Variants in CAPN12 observed in about 807,000 individuals in gnomAD.
CAPN12 encodes calpain-12.
Under a neutral mutation model 95.0 loss-of-function variants are expected in CAPN12, and 107 were observed. That is an observed-to-expected ratio of 1.13 (90% CI 0.96 to 1.32). CAPN12 has a LOEUF of 1.32. CAPN12 is among the 40% of genes most tolerant of loss of function. The pLI is 0.00. For synonymous variants in CAPN12, 505 were observed against 415.5 expected, an observed-to-expected ratio of 1.22 and a Z score of -2.62; for missense variants, 1,136 against 997.8, an observed-to-expected ratio of 1.14 and a Z score of -1.87.
chr19:38,735,651 G>T, intron 12 of CAPN12, 107 bp from the exon 13 acceptor site: 1 of 854,232 alleles, frequency 1.2e-6, no homozygotes, highest in Non-Finnish European at 1.7e-6. Flanking sequence ...TAGGGACCGT[G>T]GAGCCCTGGG....
At position 38,740,233 on chromosome 19, in the gene CAPN12, T is replaced by C. The variant is rs1970472613; in HGVS notation, c.561-14A>G. 1.3e-6 allele frequency: 2 copies of C among 1,588,786 alleles called. No individual in the cohort carries two copies. The highest frequency in any genetic ancestry group is 2.3e-5 in the East Asian group (1 of 43,622). On this transcript the variant is annotated splice_polypyrimidine_tract_variant and intron_variant, in intron 4 of 20. Transcript: ENST00000328867. ...GAGCCGTGGAGCCTGTGGGGGCAGA[T>C]CTGGGGTGAGGGTTGAGGCAAGTAC...
chr19:38,740,863 G>A (rs530041695), intron 4 of CAPN12, among the ~76,000 whole-genome samples: 1 of 152,152 alleles, frequency 6.6e-6, no homozygotes, highest in South Asian at 2.1e-4. Flanking sequence ...GAAGCCCTTG[G>A]AGATTGGGCC....
At chr19:38,735,569 G>A (rs764689671) in intron 12 of CAPN12, 25 bp from the exon 13 acceptor site, 10 of 1,606,600 alleles carry the variant, frequency 6.2e-6, no homozygotes, top group South Asian at 3.3e-5. Context: ...TGGGAAGTGG[G>A]GAGGGGGCTG....
At chr19:38,734,680 C>T (rs1969887678) in intron 15 of CAPN12, 133 bp downstream of exon 15, 1 of 797,388 alleles carries the variant, frequency 1.3e-6, no homozygotes, top group Non-Finnish European at 2.0e-6. Flanking sequence ...GGAGATGCTG[C>T]CAGGCTGAGC....
In CAPN12 at chr19:38,735,542, T is replaced by C. The variant is rs748041965; in HGVS notation, c.1586A>G (p.Glu529Gly). ...GTCTGCGCTGATCACGTCGTCGATCTCCCTGCAAATTACAGATGGGAAGTG... is the reference window on the plus strand; with the variant it reads ...GTCTGCGCTGATCACGTCGTCGATCCCCCTGCAAATTACAGATGGGAAGTG... ...VFSERRHTAV[E>G]IDDVISADLQ... is the part of the protein sequence containing the mutation. The change falls in exon 13 of 21, where the codon GAG becomes GGG. Residue 529 changes from glutamate to glycine, a missense_variant and splice_region_variant. Physicochemically the swap from Glu to Gly is moderately conservative, Grantham distance 98. Coordinates refer to ENST00000328867, the MANE Select transcript of CAPN12 (RefSeq NM_144691.4). The C allele has an allele frequency of 1.2e-6, 2 of 1,609,314 alleles. No homozygotes were observed. The highest frequency in any genetic ancestry group is 1.7e-6 in the Non-Finnish European group (2 of 1,179,028).
chr19:38,731,207 G>A lies in CAPN12; in HGVS notation c.1974C>T (p.Asn658=). Residue 658 remains asparagine (N), a synonymous_variant, in exon 19 of 21, where the codon AAC becomes AAT. Coordinates refer to ENST00000328867, the MANE Select transcript of CAPN12 (RefSeq NM_144691.4). The part of the protein sequence containing the change: ...ALNAAGFHLN[N]QLTQTLTSRY... ...GGCTGGTGAGGGTCTGGGTCAGCTG[G>A]TTGTTCAGGTGGAAGCCTAGGGGGA... The A allele has an allele frequency of 1.2e-6, 2 of 1,612,700 alleles. No individual in the cohort carries two copies. Among genetic ancestry groups the A allele is most frequent in the African/African-American group, 1.3e-5 (1 of 75,028 alleles).
In CAPN12 at chr19:38,738,493, C is replaced by G; in HGVS notation, c.815G>C (p.Gly272Ala). ...SITGTHKVFL[G>A]FTKVRLLRLR... is the part of the protein sequence containing the mutation. ...CCGCAGCAGCCGCACCTTGGTGAAG[C>G]CCAGGAACACCTGGGGCAGCATCGT... Residue 272 changes from glycine to alanine, a missense_variant, in exon 7 of 21, where the codon GGC (glycine) becomes GCC (alanine). By Grantham distance (60) the Gly-to-Ala change is moderately conservative (BLOSUM62 0). Transcript: ENST00000328867. 1 of 1,612,176 alleles carries G rather than the reference C, an allele frequency of 6.2e-7. No homozygotes were observed. Among genetic ancestry groups the G allele is most frequent in the Non-Finnish European group, 8.5e-7 (1 of 1,179,088 alleles).
chr19:38,742,677 A>C, intron 2 of CAPN12, 149 bp from the exon 3 acceptor site: 1 of 626,896 alleles, frequency 1.6e-6, no homozygotes. Flanking sequence ...ACATGGCAAG[A>C]CTCCACTACA....
rs375825467 is a variant in CAPN12 at position 38,734,171 on chromosome 19, G to T, written c.1849C>A (p.Gln617Lys). The T allele has an allele frequency of 6.2e-7, 1 of 1,612,930 alleles. No homozygotes were observed. The change falls in exon 17 of 21, where the codon CAG (glutamine) becomes AAG (lysine). Residue 617 changes from glutamine to lysine, a missense_variant. By Grantham distance (53) the Gln-to-Lys change is moderately conservative. Transcript: ENST00000328867. ...CACTCCAGGAGGTAGCCCCAGAGCT[G>T]CTGGAAGTGGTGTAAGGCCAGGCTT... ...GQSLALHHFQ[Q>K]LWGYLLEWQA...
In CAPN12 at chr19:38,736,198, G is replaced by T; in HGVS notation, c.1495C>A (p.His499Asn). 2.0e-6 allele frequency: 3 copies of T among 1,510,556 alleles called. No individual in the cohort carries two copies. The highest frequency in any genetic ancestry group is 2.6e-6 in the Non-Finnish European group (3 of 1,133,804). The allele number at this position is 1,510,556 out of a possible 1,614,324, so 93.6% of individuals were successfully genotyped here. The change falls in exon 12 of 21, where the codon CAC (histidine) becomes AAC (asparagine). Residue 499 changes from histidine (H) to asparagine (N), a missense_variant. His to Asn is a moderately conservative substitution (Grantham distance 68, BLOSUM62 1). Coordinates refer to ENST00000328867, the MANE Select transcript of CAPN12 (RefSeq NM_144691.4). ...GCGGTGCTCGGCACCACCAGGTAGT[G>T]GCCTGGACGCAGGCAGCAGCGGCGG... ...VTRRCCLRPG[H>N]YLVVPSTAHA...
Position 38,740,286 on chromosome 19 carries a change from A to C in CAPN12, c.561-67T>G, listed in dbSNP as rs151277593. 9.1e-6 allele frequency: 13 copies of C among 1,426,988 alleles called. No individual in the cohort carries two copies. In the East Asian group the frequency reaches 3.2e-4, roughly 36 times the overall value. 88.4% of individuals were successfully genotyped at this position (1,426,988 alleles called of 1,614,324 possible). A position where few individuals can be genotyped will look rare whatever the true frequency, so the allele number is the denominator to read the frequency against. Reference sequence around the variant, plus strand: ...GCGTCTCAGGCACCCCTGCCCTGGGATCTGCAGGGGCCTGTGTCTCAGGGT... The same window carrying C: ...GCGTCTCAGGCACCCCTGCCCTGGGCTCTGCAGGGGCCTGTGTCTCAGGGT... On this transcript the variant is annotated intron_variant, in intron 4 of 20. Coordinates refer to ENST00000328867, the MANE Select transcript of CAPN12 (RefSeq NM_144691.4).
chr19:38,736,058 TCGGGGCC>T, intron 12 of CAPN12, 45 bp downstream of exon 12: 4 of 844,490 alleles, frequency 4.7e-6, no homozygotes, highest in Non-Finnish European at 6.3e-6. Context: ...CTCGGGGGTC[TCGGGGCC>T]TGTCTAGGCA....
Position 38,731,024 on chromosome 19 carries a change from C to T in CAPN12, c.2075-1G>A, listed in dbSNP as rs1358560846. The stretch of plus-strand genomic sequence containing the variant: ...CCATCCAGGTGCTGGCTGCAGTGGC[C>T]TGTGCAGAGAGGGGCAGGGTGAGTG... On this transcript the variant is annotated splice_acceptor_variant, in intron 19 of 20. Coordinates refer to ENST00000328867, the MANE Select transcript of CAPN12 (RefSeq NM_144691.4). LOFTEE classifies it high-confidence loss of function. 6.4e-7 allele frequency: 1 copy of T among 1,554,814 alleles called. No individual in the cohort carries two copies.
rs1969465377 is a variant in CAPN12, at chr19:38,730,194, G to GTTTTT, written c.*657_*658insAAAAA. ...AAAGAAAGAATTAAAAACTTTCAGA[G>GTTTTT]AATTACTATTTACTTTATTAACTTA... On this transcript the variant is annotated 3_prime_UTR_variant, in exon 21 of 21. Coordinates refer to ENST00000328867, the MANE Select transcript of CAPN12 (RefSeq NM_144691.4). 2 of 153,904 alleles carry GTTTTT rather than the reference G, an allele frequency of 1.3e-5. No individual in the cohort carries two copies. Among genetic ancestry groups the GTTTTT allele is most frequent in the Non-Finnish European group, 2.8e-5 (2 of 70,340 alleles). 9.5% of individuals were successfully genotyped at this position (153,904 alleles called of 1,614,324 possible). A position where few individuals can be genotyped will look rare whatever the true frequency, so the allele number is the denominator to read the frequency against.
At chr19:38,743,773 C>A (rs1487286613) in intron 1 of CAPN12, among the ~76,000 whole-genome samples, 156 bp downstream of exon 1, 1 of 148,960 alleles carries the variant, frequency 6.7e-6, no homozygotes, top group African/African-American at 2.5e-5. Flanking sequence ...CAGGCCCAGC[C>A]CCTCCTCCCT....
rs772410391 is a variant in CAPN12, at chr19:38,735,381, G to A, written c.1675C>T (p.Leu559=). Residue 559 remains leucine (L), a synonymous_variant, in exon 14 of 21, where the codon CTG becomes TTG. Transcript: ENST00000328867. ...ELGLEQLFQE[L]AGEEEELNAS... ...ATCCCCCTCCTCACCTCTCCAGCCA[G>A]CTCCTGAAACAGCTGCTCCAACCCC... is the stretch of plus-strand genomic sequence containing the variant. 9 of 1,602,022 alleles carry A rather than the reference G, an allele frequency of 5.6e-6. No individual in the cohort carries two copies. Among genetic ancestry groups the A allele is most frequent in the Admixed American group, 3.4e-5 (2 of 59,090 alleles).
In CAPN12 at chr19:38,737,713, A is replaced by G. The variant is rs563390780; in HGVS notation, c.966-75T>C. On this transcript the variant is annotated intron_variant, in intron 8 of 20. Coordinates refer to ENST00000328867, the MANE Select transcript of CAPN12 (RefSeq NM_144691.4). Reference sequence around the variant, plus strand: ...CCAAGATCCCGGAAATGACTCCCAGATCCCAAAGCCCCTCACATTTCTTAA... The same window carrying G: ...CCAAGATCCCGGAAATGACTCCCAGGTCCCAAAGCCCCTCACATTTCTTAA... The G allele has an allele frequency of 3.4e-3, 4,957 of 1,441,372 alleles. 19 individuals carry two copies. The highest frequency in any genetic ancestry group is 4.5e-3 in the Middle Eastern group (25 of 5,496). 89.3% of individuals were successfully genotyped at this position (1,441,372 alleles called of 1,614,324 possible).
At chr19:38,733,910 G>T in intron 17 of CAPN12, 129 bp from the exon 18 acceptor site, 1 of 847,220 alleles carries the variant, frequency 1.2e-6, no homozygotes, top group Non-Finnish European at 1.9e-6. Context: ...CCAGCAAGCA[G>T]CCTAGCCACT....
At chr19:38,741,071 G>A (rs1333116147) in intron 4 of CAPN12, among the ~76,000 whole-genome samples, 4 of 152,084 alleles carry the variant, frequency 2.6e-5, no homozygotes, top group African/African-American at 9.7e-5. Flanking sequence ...GGGTCCCAGG[G>A]TGACCCCCAA....
Sources: allele counts gnomAD v4.1 joint callset (sites outside exome capture counted in the v4.1 genomes callset), GRCh38; gene constraint gnomAD v4.1.1; transcripts MANE v1.5; gene names NCBI Gene and HGNC (gene_info 2026-07-23, HGNC 2026-07-21).